EBF4: variants seen among roughly 807,000 people sequenced by gnomAD.
EBF4 encodes EBF transcription factor 4.
A neutral mutation model predicts 67.1 loss-of-function variants in EBF4; 34 were observed. That is an observed-to-expected ratio of 0.51 (90% CI 0.39 to 0.67). The LOEUF (loss-of-function observed/expected upper bound fraction) is 0.67. EBF4 is among the 30% of genes least tolerant of loss of function. The probability of loss-of-function intolerance (pLI) is 0.00; values close to 1 mark genes in which losing one functional copy is unlikely to be tolerated. For synonymous variants in EBF4, 387 were observed against 377.7 expected (o/e 1.02, Z -0.29); for missense variants, 837 against 873.3 (o/e 0.96, Z 0.52).
chr20:2,706,304 C>G, intron 4 of EBF4, 40 bp downstream of exon 4: 1 of 1,550,794 alleles, frequency 6.4e-7, no homozygotes. Flanking sequence ...ATCTCACTCT[C>G]TTCCCGGACC....
intron 6 of EBF4, among the ~76,000 whole-genome samples, chr20:2,733,624 C>T (rs73892659): frequency 0.052 from 7,838 of 151,982 alleles, 641 homozygotes; most frequent in African/African-American, 0.18. Flanking sequence ...TTTCTTTCTG[C>T]TTCTGAGCTA....
chr20:2,708,365 C>A (rs1467802410), intron 5 of EBF4, among the ~76,000 whole-genome samples: 1 of 152,174 alleles, frequency 6.6e-6, no homozygotes, highest in Non-Finnish European at 1.5e-5. Context: ...GGGATTAGCT[C>A]AGAAGCTAAT....
rs981267984 is a variant in EBF4 at position 2,708,104 on chromosome 20, C to G, written c.488+84C>G. On this transcript the variant is annotated intron_variant, in intron 5 of 16. Coordinates refer to ENST00000609451, the Ensembl canonical transcript of EBF4. The stretch of plus-strand genomic sequence containing the variant: ...ACCCAGGCCCTGCCCCCTCGCCGCC[C>G]TTGCCCCTGGCTGCTCTCTGCTGCT... The G allele has an allele frequency of 5.7e-6, 8 of 1,405,938 alleles. No homozygotes were observed. In the African/African-American group the frequency reaches 1.1e-4, roughly 20 times the overall value. 87.1% of individuals were successfully genotyped at this position (1,405,938 alleles called of 1,614,324 possible). A position where few individuals can be genotyped will look rare whatever the true frequency, so the allele number is the denominator to read the frequency against.
intron 1 of EBF4, among the ~76,000 whole-genome samples, chr20:2,694,759 A>G (rs143114346): frequency 1.1e-3 from 165 of 152,172 alleles, no homozygotes; most frequent in South Asian, 1.5e-3. Flanking sequence ...GCCCACATTC[A>G]CACTCCGCAG....
At chr20:2,700,524 C>T (rs1231194176) in intron 1 of EBF4, among the ~76,000 whole-genome samples, 1 of 152,236 alleles carries the variant, frequency 6.6e-6, no homozygotes, top group African/African-American at 2.4e-5. Flanking sequence ...GTCCACATCT[C>T]TCTGTCTCTA....
chr20:2,699,542 C>T (rs1215483190), intron 1 of EBF4, among the ~76,000 whole-genome samples: 1 of 152,214 alleles, frequency 6.6e-6, no homozygotes, highest in African/African-American at 2.4e-5. Flanking sequence ...AAATGTCCCA[C>T]TGCCTCAGGA....
chr20:2,737,092 AC>A (rs375939697), intron 6 of EBF4, among the ~76,000 whole-genome samples: 6,864 of 151,824 alleles, frequency 0.045, 434 homozygotes, highest in Admixed American at 0.17. Context: ...TACTAAAAAT[AC>A]CAAAAAATTA....
Position 2,752,130 on chromosome 20 carries a change from C to A in EBF4, c.1218C>A (p.Tyr406Ter). ...CGGCGGACGTGGCCGAGGCTCTGTA[C>A]AGCACCCCCCGCGCACCCGGGCCGC... Residue 406 changes from tyrosine to a stop codon, truncating the protein, a stop_gained, in exon 13 of 17, where the codon TAC (tyrosine) becomes TAA (stop). Coordinates refer to ENST00000609451, the Ensembl canonical transcript of EBF4. LOFTEE classifies it high-confidence loss of function. The A allele has an allele frequency of 6.9e-7, 1 of 1,453,400 alleles. No individual in the cohort carries two copies. The highest frequency in any genetic ancestry group is 9.0e-7 in the Non-Finnish European group (1 of 1,108,048). 90.0% of individuals were successfully genotyped at this position (1,453,400 alleles called of 1,614,324 possible).
intron 6 of EBF4, among the ~76,000 whole-genome samples, chr20:2,744,397 C>A (rs2088016021): frequency 6.6e-6 from 1 of 152,040 alleles, no homozygotes; most frequent in South Asian, 2.1e-4. Context: ...GAGACATACA[C>A]TCCAGTGAAG....
In EBF4 at chr20:2,726,063, C is replaced by G. The variant is rs574464854; in HGVS notation, c.557+16421C>G. Among the ~76,000 whole-genome samples, 4 of 151,842 alleles carry G rather than the reference C, an allele frequency of 2.6e-5. No homozygotes were observed. In the South Asian group the frequency reaches 6.2e-4, roughly 24 times the overall value. ...CTGGTGAAAGGTAGAAAATAAGGCTCTACATGTATTTTTTTTTCTTATGGC... is the reference window on the plus strand; with the variant it reads ...CTGGTGAAAGGTAGAAAATAAGGCTGTACATGTATTTTTTTTTCTTATGGC... On this transcript the variant is annotated intron_variant, in intron 6 of 16. Coordinates refer to ENST00000609451, the Ensembl canonical transcript of EBF4.
intron 6 of EBF4, among the ~76,000 whole-genome samples, chr20:2,737,632 C>T (rs1472151464): frequency 6.6e-6 from 1 of 151,994 alleles, no homozygotes; most frequent in Non-Finnish European, 1.5e-5. Flanking sequence ...CCACCCCACC[C>T]TTACCGATCA....
chr20:2,722,112 T>C (rs1376836435), intron 6 of EBF4, among the ~76,000 whole-genome samples: 1 of 152,132 alleles, frequency 6.6e-6, no homozygotes, highest in Non-Finnish European at 1.5e-5. Context: ...GTTGTCCAGG[T>C]TGGACTTGAA....
At chr20:2,694,040 G>A (rs1175101782) in intron 1 of EBF4, among the ~76,000 whole-genome samples, 2 of 152,220 alleles carry the variant, frequency 1.3e-5, no homozygotes, top group African/African-American at 2.4e-5. Context: ...GGCGGTGAAC[G>A]CCACCCCAGC....
chr20:2,737,044 T>C (rs1172455287), intron 6 of EBF4, among the ~76,000 whole-genome samples: 1 of 151,762 alleles, frequency 6.6e-6, no homozygotes, highest in Admixed American at 6.6e-5. Context: ...GGTCAGGAGA[T>C]GGAGACCATC....
At chr20:2,752,467 G>C in exon 14 of EBF4, 1 of 1,267,350 alleles carries the variant, frequency 7.9e-7, no homozygotes, top group Non-Finnish European at 9.9e-7. Context: ...CGGCTACGGC[G>C]CGCCGGGCGT....
At chr20:2,749,810 G>GA in intron 9 of EBF4, 37 bp from the exon 10 acceptor site, 3 of 1,542,000 alleles carry the variant, frequency 1.9e-6, no homozygotes, top group Non-Finnish European at 2.6e-6. Flanking sequence ...TCCCCTCGCC[G>GA]GTGCGGGACC....
At chr20:2,720,066 G>A (rs2087659920) in intron 6 of EBF4, among the ~76,000 whole-genome samples, 1 of 152,108 alleles carries the variant, frequency 6.6e-6, no homozygotes. Context: ...AAAATTCATT[G>A]TTAGGTACAT....
intron 6 of EBF4, among the ~76,000 whole-genome samples, chr20:2,713,512 C>T (rs1482025661): frequency 1.3e-5 from 2 of 152,078 alleles, no homozygotes; most frequent in Non-Finnish European, 2.9e-5. Context: ...TGACAAGCGG[C>T]ACTGAGGGTA....
chr20:2,759,096 G>C, intron 16 of EBF4, 112 bp downstream of exon 16: 1 of 1,040,564 alleles, frequency 9.6e-7, no homozygotes, highest in Non-Finnish European at 1.4e-6. Flanking sequence ...GCCCCACAGG[G>C]ATGGGGAGCT....
Sources: gnomAD v4.1 joint callset for allele counts (sites outside exome capture counted in the v4.1 genomes callset) on GRCh38, gnomAD v4.1.1 for gene constraint, MANE v1.5 for transcripts, NCBI Gene and HGNC (gene_info 2026-07-23, HGNC 2026-07-21) for gene names.